The following MARCHF1 variants were observed in gnomAD, a reference collection of about 807,000 sequenced individuals.
MARCHF1 encodes the protein E3 ubiquitin-protein ligase MARCHF1.
Under a neutral mutation model 54.2 loss-of-function variants are expected in MARCHF1, and 40 were observed. That is an observed-to-expected ratio of 0.74 (90% CI 0.57 to 0.96). The LOEUF (loss-of-function observed/expected upper bound fraction) is 0.96, where lower values mean the gene tolerates loss of function less well. Ranked by LOEUF, MARCHF1 falls within the 40% of genes least tolerant of loss-of-function variation. The pLI, the probability that MARCHF1 is intolerant of heterozygous loss-of-function variation, is 0.00. For synonymous variants in MARCHF1, 236 were observed against 236.3 expected, an observed-to-expected ratio of 1.00 and a Z score of 0.01; for missense variants, 586 against 656.5, an observed-to-expected ratio of 0.89 and a Z score of 1.17.
intron 4 of MARCHF1, 45 bp from the exon 5 acceptor site, chr4:163,700,908 C>T: frequency 7.6e-7 from 1 of 1,311,166 alleles, no homozygotes; most frequent in African/African-American, 1.5e-5. Flanking sequence ...AGGTATGGTA[C>T]TTTCACCATA....
intron 2 of MARCHF1, among the ~76,000 whole-genome samples, chr4:164,009,087 A>C (rs1344915673): frequency 6.6e-6 from 1 of 152,038 alleles, no homozygotes; most frequent in Admixed American, 6.6e-5. Flanking sequence ...AAAGGATAGA[A>C]GACCCAAATA....
intron 1 of MARCHF1, among the ~76,000 whole-genome samples, chr4:164,303,682 T>G (rs1734622000): frequency 6.6e-6 from 1 of 151,986 alleles, no homozygotes; most frequent in Non-Finnish European, 1.5e-5. Context: ...CTCATGGGGT[T>G]TAACTTATTC....
At chr4:163,856,557 T>TA (rs1366560146) in intron 3 of MARCHF1, among the ~76,000 whole-genome samples, 1 of 152,224 alleles carries the variant, frequency 6.6e-6, no homozygotes, top group Non-Finnish European at 1.5e-5. Flanking sequence ...ATGAAAACAA[T>TA]AAAAATGCCT....
At chr4:164,329,769 A>G (rs1735378175) in intron 1 of MARCHF1, among the ~76,000 whole-genome samples, 1 of 152,166 alleles carries the variant, frequency 6.6e-6, no homozygotes, top group Non-Finnish European at 1.5e-5. Flanking sequence ...CACACTTTTA[A>G]ATGACCAGAT....
At chr4:163,881,208 C>A (rs1247740966) in intron 3 of MARCHF1, among the ~76,000 whole-genome samples, 1 of 152,190 alleles carries the variant, frequency 6.6e-6, no homozygotes, top group African/African-American at 2.4e-5. Context: ...GGCATGGTGG[C>A]TCATGCCTGT....
chr4:164,303,678 G>A (rs767059313), intron 1 of MARCHF1, among the ~76,000 whole-genome samples: 3 of 151,750 alleles, frequency 2.0e-5, no homozygotes, highest in Non-Finnish European at 2.9e-5. Flanking sequence ...ATAGCTCATG[G>A]GGTTTAACTT....
intron 4 of MARCHF1, among the ~76,000 whole-genome samples, chr4:163,826,043 G>A (rs1464191253): frequency 6.6e-6 from 1 of 151,938 alleles, no homozygotes; most frequent in Non-Finnish European, 1.5e-5. Flanking sequence ...ACTGTTAGAT[G>A]CTTAGTTTGT....
intron 2 of MARCHF1, among the ~76,000 whole-genome samples, chr4:164,023,742 G>C (rs993455825): frequency 6.6e-6 from 1 of 152,072 alleles, no homozygotes; most frequent in Middle Eastern, 3.2e-3. Flanking sequence ...CAGACTGAAT[G>C]AATGAAATGA....
chr4:163,808,029 A>C (rs1446260201), intron 4 of MARCHF1, among the ~76,000 whole-genome samples: 1 of 151,976 alleles, frequency 6.6e-6, no homozygotes, highest in Non-Finnish European at 1.5e-5. Flanking sequence ...TTCTTGCCTC[A>C]CTCCTACACA....
intron 2 of MARCHF1, among the ~76,000 whole-genome samples, chr4:164,039,941 G>A (rs1315517702): frequency 1.4e-5 from 2 of 146,306 alleles, no homozygotes; most frequent in African/African-American, 2.5e-5. Flanking sequence ...ATTCATCTTG[G>A]ATAAAATAAA....
At chr4:163,935,129 T>C (rs536249625) in intron 3 of MARCHF1, among the ~76,000 whole-genome samples, 168 of 152,114 alleles carry the variant, frequency 1.1e-3, no homozygotes, top group Non-Finnish European at 1.8e-3. Context: ...ATCTAGGATT[T>C]GTTGCTTAAT....
intron 3 of MARCHF1, among the ~76,000 whole-genome samples, chr4:163,895,785 T>C (rs1215221207): frequency 6.6e-6 from 1 of 152,168 alleles, no homozygotes; most frequent in Non-Finnish European, 1.5e-5. Flanking sequence ...CTGGGTGTGC[T>C]CAGTGAGTGC....
At chr4:164,040,540 T>G (rs904188811) in intron 2 of MARCHF1, among the ~76,000 whole-genome samples, 1 of 150,884 alleles carries the variant, frequency 6.6e-6, no homozygotes, top group African/African-American at 2.4e-5. Context: ...AAAGTTTTTT[T>G]TGAATTTTGA....
In MARCHF1 at chr4:164,100,184, C is replaced by T. The variant is rs558034448; in HGVS notation, c.-248+11404G>A. On this transcript the variant is annotated intron_variant, in intron 2 of 9. Coordinates refer to ENST00000514618, the MANE Select transcript of MARCHF1 (RefSeq NM_001394959.1). ...CAAATAATGAAACTTTCACAACTAC[C>T]TAGTATAGAACATAGGTTAAAACAA... Among the ~76,000 whole-genome samples, 6 of 152,184 alleles carry T rather than the reference C, an allele frequency of 3.9e-5. No homozygotes were observed. The South Asian group carries it at 8.3e-4, about 21-fold the overall frequency.
At chr4:164,084,337 T>A (rs1579519994) in intron 2 of MARCHF1, among the ~76,000 whole-genome samples, 1 of 152,038 alleles carries the variant, frequency 6.6e-6, no homozygotes, top group South Asian at 2.1e-4. Context: ...AATTCATTTC[T>A]TGAATATAAA....
chr4:163,851,195 A>C (rs954448047), intron 4 of MARCHF1, among the ~76,000 whole-genome samples: 1 of 152,184 alleles, frequency 6.6e-6, no homozygotes, highest in African/African-American at 2.4e-5. Flanking sequence ...GGTTAAGTAG[A>C]ATAACGGAAA....
At chr4:163,814,076 T>C (rs1748468308) in intron 4 of MARCHF1, among the ~76,000 whole-genome samples, 2 of 152,134 alleles carry the variant, frequency 1.3e-5, no homozygotes, top group Non-Finnish European at 2.9e-5. Flanking sequence ...CCAGGATCGA[T>C]TGTATCTTGA....
intron 2 of MARCHF1, among the ~76,000 whole-genome samples, chr4:164,024,417 A>G (rs900746928): frequency 6.6e-6 from 1 of 152,118 alleles, no homozygotes; most frequent in Non-Finnish European, 1.5e-5. Flanking sequence ...AAGACAGAAG[A>G]TATTGGTGGC....
chr4:163,834,602 C>T (rs1406814385), intron 4 of MARCHF1, among the ~76,000 whole-genome samples: 2 of 115,090 alleles, frequency 1.7e-5, no homozygotes, highest in African/African-American at 6.6e-5. Context: ...TCCCTCCCCC[C>T]TCCCCCCACC....
Sources: gnomAD v4.1 joint callset for allele counts (sites outside exome capture counted in the v4.1 genomes callset) on GRCh38, gnomAD v4.1.1 for gene constraint, MANE v1.5 for transcripts, NCBI Gene and HGNC (gene_info 2026-07-23, HGNC 2026-07-21) for gene names.